Variants in MYT1L observed in about 807,000 individuals in gnomAD.
MYT1L encodes the protein myelin transcription factor 1-like protein.
A neutral mutation model predicts 126.7 loss-of-function variants in MYT1L; 12 were observed. That is an observed-to-expected ratio of 0.09 (90% confidence interval 0.06 to 0.15). The LOEUF is 0.15. Among genes scored for constraint, MYT1L ranks in the 10% least tolerant of loss-of-function variants. The probability of loss-of-function intolerance (pLI) is 1.00; values close to 1 mark genes in which losing one functional copy is unlikely to be tolerated. For missense variants in MYT1L, 979 were observed against 1,585.2 expected, an observed-to-expected ratio of 0.62 and a Z score of 6.49; for synonymous variants, 541 against 604.2, an observed-to-expected ratio of 0.90 and a Z score of 1.53.
chr2:1,807,022 G>A (rs1436473005), intron 22 of MYT1L, among the ~76,000 whole-genome samples: 4 of 152,182 alleles, frequency 2.6e-5, no homozygotes, highest in African/African-American at 4.8e-5. Context: ...TCTCAAAAGC[G>A]GGGTCCTTAC....
At chr2:2,281,155 A>G (rs566165080) in intron 2 of MYT1L, among the ~76,000 whole-genome samples, 46 of 152,310 alleles carry the variant, frequency 3.0e-4, no homozygotes, top group African/African-American at 1.1e-3. Context: ...TTCTCATGAG[A>G]TCAGATGGCT....
chr2:2,180,547 T>G (rs558462730), intron 2 of MYT1L, among the ~76,000 whole-genome samples: 27 of 151,336 alleles, frequency 1.8e-4, no homozygotes, highest in Non-Finnish European at 3.1e-4. Flanking sequence ...CACCTGTATC[T>G]GTACCTGTGT....
At chr2:2,124,923 C>T (rs958451372) in intron 3 of MYT1L, among the ~76,000 whole-genome samples, 1 of 152,142 alleles carries the variant, frequency 6.6e-6, no homozygotes, top group East Asian at 1.9e-4. Flanking sequence ...CACATCATCC[C>T]GTATTTTTTT....
chr2:2,162,334 G>A (rs1352117078), intron 3 of MYT1L, among the ~76,000 whole-genome samples: 1 of 151,796 alleles, frequency 6.6e-6, no homozygotes, highest in African/African-American at 2.4e-5. Context: ...TGCAGGTGGT[G>A]TCTAGGGTCC....
chr2:1,873,835 G>A (rs992649835), intron 18 of MYT1L, among the ~76,000 whole-genome samples: 14 of 152,294 alleles, frequency 9.2e-5, no homozygotes, highest in African/African-American at 3.1e-4. Flanking sequence ...CTAAAGAGTA[G>A]AATACACTCA....
In MYT1L at chr2:2,241,254, GTTTCT is replaced by G. The variant is rs1395517062; in HGVS notation, c.-421+43145_-421+43149del. On this transcript the variant is annotated intron_variant, in intron 2 of 24. Coordinates refer to ENST00000647738, the MANE Select transcript of MYT1L (RefSeq NM_001303052.2). ...AAAAGGGAGTTTTAAATGTATATTG[GTTTCT>G]TGTAAAATACATCTTTTGTGTGTGT... Among the ~76,000 whole-genome samples, 6 of 148,320 alleles carry G rather than the reference GTTTCT, an allele frequency of 4.0e-5. No individual in the cohort carries two copies. In the East Asian group the frequency reaches 1.2e-3, roughly 31 times the overall value.
At chr2:2,065,532 T>A (rs922124188) in intron 3 of MYT1L, among the ~76,000 whole-genome samples, 1 of 152,118 alleles carries the variant, frequency 6.6e-6, no homozygotes, top group Admixed American at 6.5e-5. Flanking sequence ...GTAGCCATTT[T>A]AATCACCCTC....
intron 9 of MYT1L, among the ~76,000 whole-genome samples, chr2:1,933,038 C>T (rs1399708791): frequency 1.3e-5 from 2 of 152,050 alleles, no homozygotes; most frequent in South Asian, 2.1e-4. Flanking sequence ...TCACGGAGGA[C>T]CTCTGAGTGA....
chr2:2,161,756 T>C (rs944739263), intron 3 of MYT1L, among the ~76,000 whole-genome samples: 10 of 152,190 alleles, frequency 6.6e-5, no homozygotes, highest in African/African-American at 2.4e-4. Context: ...TCAGTGAATG[T>C]GCTGTCACTC....
At chr2:2,012,790 T>G (rs1038116620) in intron 4 of MYT1L, among the ~76,000 whole-genome samples, 6 of 152,144 alleles carry the variant, frequency 3.9e-5, no homozygotes, top group African/African-American at 1.4e-4. Context: ...TTGGAAGCCA[T>G]CTCAGTCATG....
chr2:1,797,308 C>T (rs2033770877), intron 23 of MYT1L, among the ~76,000 whole-genome samples: 1 of 152,198 alleles, frequency 6.6e-6, no homozygotes, highest in Non-Finnish European at 1.5e-5. Flanking sequence ...TCTGCAAGCT[C>T]CACCTCCTGG....
rs58631682 is a variant in MYT1L at position 2,247,342 on chromosome 2, T to C, written c.-421+37062A>G. Among the ~76,000 whole-genome samples the C allele has an allele frequency of 4.6e-3, 695 of 152,288 alleles. 4 individuals are homozygous for C. The highest frequency in any genetic ancestry group is 0.016 in the African/African-American group (662 of 41,564). The stretch of plus-strand genomic sequence containing the variant: ...TCAGCAAGATGATATAAGAATTGCA[T>C]ATATATATGCTCCCAACACTGGAGT... On this transcript the variant is annotated intron_variant, in intron 2 of 24. Coordinates refer to ENST00000647738, the MANE Select transcript of MYT1L (RefSeq NM_001303052.2).
At chr2:2,042,608 C>A (rs1055539165) in intron 4 of MYT1L, among the ~76,000 whole-genome samples, 1 of 152,012 alleles carries the variant, frequency 6.6e-6, no homozygotes, top group South Asian at 2.1e-4. Context: ...ATGTTGTTAT[C>A]AGGTCTCACC....
chr2:2,077,772 CAG>C (rs1435776592), intron 3 of MYT1L, among the ~76,000 whole-genome samples: 2 of 152,084 alleles, frequency 1.3e-5, no homozygotes, highest in African/African-American at 4.8e-5. Flanking sequence ...TAAATAAAAA[CAG>C]AGAATTTATT....
chr2:2,106,825 G>A (rs770356049), intron 3 of MYT1L, among the ~76,000 whole-genome samples: 1 of 152,126 alleles, frequency 6.6e-6, no homozygotes, highest in Non-Finnish European at 1.5e-5. Flanking sequence ...TGTCCAAGGT[G>A]GTGGTTACTA....
intron 18 of MYT1L, among the ~76,000 whole-genome samples, chr2:1,861,703 T>G (rs894354051): frequency 2.7e-3 from 415 of 151,516 alleles, no homozygotes; most frequent in African/African-American, 9.2e-3. Flanking sequence ...ATCCTGGATC[T>G]GCCTGCAGCC....
At position 2,136,640 on chromosome 2, in the gene MYT1L, T is replaced by C. The variant is rs1018625916; in HGVS notation, c.-304+36232A>G. ...ATTTTTAATCATGAAATCTTCAATTTTAGTAAATCCATATTATTCTTACTG... is the reference window on the plus strand; with the variant it reads ...ATTTTTAATCATGAAATCTTCAATTCTAGTAAATCCATATTATTCTTACTG... On this transcript the variant is annotated intron_variant, in intron 3 of 24. Coordinates refer to ENST00000647738, the MANE Select transcript of MYT1L (RefSeq NM_001303052.2). 4.6e-5 allele frequency among the ~76,000 whole-genome samples: 7 copies of C among 152,200 alleles called. No homozygotes were observed. The East Asian group carries it at 1.3e-3, about 29-fold the overall frequency.
rs949535739 is a variant in MYT1L, at chr2:1,957,751, C to T, written c.153-14417G>A. The stretch of plus-strand genomic sequence containing the variant: ...TGGCACCAGCTTCTGAGATGAAGGT[C>T]GCCGAGCATTTATTTCTCTCTGCTG... On this transcript the variant is annotated intron_variant, in intron 8 of 24. Transcript: ENST00000647738. Among the ~76,000 whole-genome samples, 5 of 152,304 alleles carry T rather than the reference C, an allele frequency of 3.3e-5. No homozygotes were observed. In the South Asian group the frequency reaches 8.3e-4, roughly 25 times the overall value.
At chr2:2,179,275 C>G (rs182086026) in intron 2 of MYT1L, among the ~76,000 whole-genome samples, 1 of 152,182 alleles carries the variant, frequency 6.6e-6, no homozygotes, top group Non-Finnish European at 1.5e-5. Flanking sequence ...GGCAAATGCC[C>G]AGATAAATCC....
Sources: allele counts gnomAD v4.1 joint callset (sites outside exome capture counted in the v4.1 genomes callset), GRCh38; gene constraint gnomAD v4.1.1; transcripts MANE v1.5; gene names NCBI Gene and HGNC (gene_info 2026-07-23, HGNC 2026-07-21).